The following PEAR1 variants were observed in gnomAD, a reference collection of about 807,000 sequenced individuals.
PEAR1 encodes multiple EGF-like domains protein 12.
In PEAR1, 113 loss-of-function variants were observed where a neutral mutation model predicts 131.2. That is an observed-to-expected ratio of 0.86 (90% CI 0.74 to 1.01). The LOEUF (loss-of-function observed/expected upper bound fraction) is 1.01. PEAR1 is among the 50% of genes least tolerant of loss of function. The pLI is 0.00. For missense variants in PEAR1, 1,408 were observed against 1,391.1 expected, an observed-to-expected ratio of 1.01 and a Z score of -0.19; for synonymous variants, 565 against 523.3, an observed-to-expected ratio of 1.08 and a Z score of -1.09.
At position 156,906,774 on chromosome 1, in the gene PEAR1, C is replaced by T. The variant is rs865828245; in HGVS notation, c.538C>T (p.Pro180Ser). ...CCCGAACTGCCTTCAGCCCTGTACC[C>T]CTGGCTACTATGGCCCTGCCTGCCA... ...QPPNCLQPCTPGYYGPACQFR... is the reference protein window; with the variant it reads ...QPPNCLQPCTSGYYGPACQFR... The change falls in exon 6 of 23, where the codon CCT becomes TCT. Residue 180 changes from proline to serine, a missense_variant. By Grantham distance (74) the Pro-to-Ser change is moderately conservative (BLOSUM62 -1). Transcript: ENST00000292357. 1 of 1,614,248 alleles carries T rather than the reference C, an allele frequency of 6.2e-7. No homozygotes were observed. Among genetic ancestry groups the T allele is most frequent in the Non-Finnish European group, 8.5e-7 (1 of 1,180,054 alleles).
chr1:156,904,671 C>G, intron 2 of PEAR1, 77 bp from the exon 3 acceptor site: 1 of 1,412,750 alleles, frequency 7.1e-7, no homozygotes, highest in Non-Finnish European at 9.7e-7. Context: ...GTGGCCAAGC[C>G]CTCATGGCCA....
At chr1:156,905,901 T>C (rs1482897288) in intron 4 of PEAR1, among the ~76,000 whole-genome samples, 1 of 152,086 alleles carries the variant, frequency 6.6e-6, no homozygotes, top group African/African-American at 2.4e-5. Context: ...TGTCTTCCTC[T>C]TCCTCCCACT....
At chr1:156,897,785 G>C (rs894956971) in intron 1 of PEAR1, among the ~76,000 whole-genome samples, 1 of 152,218 alleles carries the variant, frequency 6.6e-6, no homozygotes, top group African/African-American at 2.4e-5. Context: ...GGTGGCCTGA[G>C]CCATGGTGGC....
chr1:156,896,440 A>G (rs1325241544), intron 1 of PEAR1, among the ~76,000 whole-genome samples: 1 of 152,214 alleles, frequency 6.6e-6, no homozygotes, highest in African/African-American at 2.4e-5. Context: ...GAGACCCTCC[A>G]CTGTGCTGCC....
rs1248552251 is a variant in PEAR1 at position 156,908,591 on chromosome 1, G to T, written c.1116-64G>T. Reference sequence around the variant, plus strand: ...GCGAATCCCACTGACCACGCGGAGGGGTCGGGAAGCTGCCCTGCCCCTGCC... The same window carrying T: ...GCGAATCCCACTGACCACGCGGAGGTGTCGGGAAGCTGCCCTGCCCCTGCC... On this transcript the variant is annotated intron_variant, in intron 9 of 22. Transcript: ENST00000292357. The surrounding 1 kb of genome is among the most constrained non-coding windows in gnomAD (Gnocchi z 4.2). 1 of 1,424,968 alleles carries T rather than the reference G, an allele frequency of 7.0e-7. No individual in the cohort carries two copies. The highest frequency in any genetic ancestry group is 9.3e-7 in the Non-Finnish European group (1 of 1,074,878). The allele number at this position is 1,424,968 out of a possible 1,614,324, so 88.3% of individuals were successfully genotyped here. A position where few individuals can be genotyped will look rare whatever the true frequency, so the allele number is the denominator to read the frequency against.
In PEAR1 at chr1:156,908,325, G is replaced by A. The variant is rs756704651; in HGVS notation, c.1100G>A (p.Arg367Gln). 3.9e-6 allele frequency: 6 copies of A among 1,543,168 alleles called. No homozygotes were observed. Among genetic ancestry groups the A allele is most frequent in the Admixed American group, 1.9e-5 (1 of 52,560 alleles). ...TGCCAGGCCCCCTGCACCTGCGACCGGGAGCACAGCCTCAGGTGGGCCGCG... is the reference window on the plus strand; with the variant it reads ...TGCCAGGCCCCCTGCACCTGCGACCAGGAGCACAGCCTCAGGTGGGCCGCG... The part of the protein sequence containing the change: ...LSCQAPCTCD[R>Q]EHSLSCHPMN... Residue 367 changes from arginine to glutamine, a missense_variant, in exon 9 of 23, where the codon CGG (arginine) becomes CAG (glutamine). Physicochemically the swap from Arg to Gln is conservative, Grantham distance 43. Transcript: ENST00000292357. This position sits in a 1 kb window ranked among gnomAD's most constrained non-coding sequence, Gnocchi z 4.2.
intron 14 of PEAR1, 69 bp downstream of exon 14, chr1:156,910,449 C>A: frequency 1.3e-6 from 2 of 1,544,630 alleles, no homozygotes; most frequent in Admixed American, 1.9e-5. Context: ...TGCCAGAGCA[C>A]CCCTCCCCCC....
At chr1:156,911,388 T>G (rs1002725062) in intron 15 of PEAR1, among the ~76,000 whole-genome samples, 1 of 151,348 alleles carries the variant, frequency 6.6e-6, no homozygotes, top group African/African-American at 2.4e-5. Context: ...TAGTTAATTC[T>G]TTTGCCTCAG....
intron 3 of PEAR1, 195 bp from the exon 4 acceptor site, chr1:156,905,129 G>T: frequency 2.5e-6 from 3 of 1,195,554 alleles, no homozygotes; most frequent in Non-Finnish European, 3.6e-6. Context: ...TAATAGACAA[G>T]GTCTCGCTCT....
Position 156,908,585 on chromosome 1 carries a change from C to T in PEAR1, c.1116-70C>T, listed in dbSNP as rs930343045. On this transcript the variant is annotated intron_variant, in intron 9 of 22. Coordinates refer to ENST00000292357, the MANE Select transcript of PEAR1 (RefSeq NM_001080471.3). The surrounding 1 kb of genome is among the most constrained non-coding windows in gnomAD (Gnocchi z 4.2). ...CGATGTGCGAATCCCACTGACCACG[C>T]GGAGGGGTCGGGAAGCTGCCCTGCC... 4 of 1,401,016 alleles carry T rather than the reference C, an allele frequency of 2.9e-6. No homozygotes were observed. Among genetic ancestry groups the T allele is most frequent in the Non-Finnish European group, 1.9e-6 (2 of 1,056,542 alleles). The allele number at this position is 1,401,016 out of a possible 1,614,324, so 86.8% of individuals were successfully genotyped here.
rs1449568237 is a variant in PEAR1, at chr1:156,908,627, C to T, written c.1116-28C>T. 2.7e-6 allele frequency: 4 copies of T among 1,497,248 alleles called. No homozygotes were observed. The highest frequency in any genetic ancestry group is 2.8e-5 in the African/African-American group (2 of 72,262). The allele number at this position is 1,497,248 out of a possible 1,614,324, so 92.7% of individuals were successfully genotyped here. A position where few individuals can be genotyped will look rare whatever the true frequency, so the allele number is the denominator to read the frequency against. Reference sequence around the variant, plus strand: ...TGCCCTGCCCCTGCCCAGCTCAGACCGCGCCACGCCCCCGCCTCTGCCCCC... The same window carrying T: ...TGCCCTGCCCCTGCCCAGCTCAGACTGCGCCACGCCCCCGCCTCTGCCCCC... On this transcript the variant is annotated intron_variant, in intron 9 of 22. Coordinates refer to ENST00000292357, the MANE Select transcript of PEAR1 (RefSeq NM_001080471.3). This position sits in a 1 kb window ranked among gnomAD's most constrained non-coding sequence, Gnocchi z 4.2.
At chr1:156,903,770 G>T in intron 1 of PEAR1, 148 bp from the exon 2 acceptor site, 1 of 652,658 alleles carries the variant, frequency 1.5e-6, no homozygotes, top group Non-Finnish European at 2.7e-6. Context: ...GTGAGGTGTA[G>T]GGGAGCTGGA....
chr1:156,909,834 G>C lies in PEAR1; in HGVS notation c.1495G>C (p.Glu499Gln), dbSNP rs1212628053. ...CAATGCCAGCTGCCAGTGTGCCCATGAGGCAGTCTGCAGCCCCCAAACTGG... is the reference window on the plus strand; with the variant it reads ...CAATGCCAGCTGCCAGTGTGCCCATCAGGCAGTCTGCAGCCCCCAAACTGG... ...SCNASCQCAH[E>Q]AVCSPQTGAC... The change falls in exon 12 of 23, where the codon GAG (glutamate) becomes CAG (glutamine). Residue 499 changes from glutamate (E) to glutamine (Q), a missense_variant. By Grantham distance (29) the Glu-to-Gln change is conservative (BLOSUM62 2). Coordinates refer to ENST00000292357, the MANE Select transcript of PEAR1 (RefSeq NM_001080471.3). 5.0e-6 allele frequency: 8 copies of C among 1,614,020 alleles called. No homozygotes were observed. Among genetic ancestry groups the C allele is most frequent in the Non-Finnish European group, 4.2e-6 (5 of 1,179,910 alleles).
chr1:156,908,537 C>G lies in PEAR1; in HGVS notation c.1116-118C>G. The stretch of plus-strand genomic sequence containing the variant: ...CAGTTTTCAGAATAGCGCGGAGCCT[C>G]CCTAGTGACCCCCTTACCCCAGCGA... On this transcript the variant is annotated intron_variant, in intron 9 of 22. Transcript: ENST00000292357. The surrounding 1 kb of genome is among the most constrained non-coding windows in gnomAD (Gnocchi z 4.2). The G allele has an allele frequency of 8.2e-7, 1 of 1,222,268 alleles. No individual in the cohort carries two copies. Among genetic ancestry groups the G allele is most frequent in the Admixed American group, 2.8e-5 (1 of 35,596 alleles). 75.7% of individuals were successfully genotyped at this position (1,222,268 alleles called of 1,614,324 possible). A position where few individuals can be genotyped will look rare whatever the true frequency, so the allele number is the denominator to read the frequency against.
chr1:156,908,224 A>G lies in PEAR1; in HGVS notation c.999A>G (p.Ala333=), dbSNP rs144723686. ...CCCGTTGCTTCCCGGCCAACGGCGC[A>G]TGTCTGTGCGAACACGGCTTCACTG... ...PDARCFPANG[A]CLCEHGFTGD... Residue 333 remains alanine, a synonymous_variant, in exon 9 of 23, where the codon GCA becomes GCG. Transcript: ENST00000292357. The surrounding 1 kb of genome is among the most constrained non-coding windows in gnomAD (Gnocchi z 4.2). 9.2e-5 allele frequency: 148 copies of G among 1,602,544 alleles called. No individual in the cohort carries two copies. In the African/African-American group the frequency reaches 1.8e-3, roughly 20 times the overall value.
chr1:156,914,567 G>A, intron 22 of PEAR1, 80 bp from the exon 23 acceptor site: 2 of 1,405,200 alleles, frequency 1.4e-6, no homozygotes, highest in South Asian at 1.4e-5. Context: ...CTGAAGAGGA[G>A]AGGAGTGCAG....
intron 13 of PEAR1, 53 bp downstream of exon 13, chr1:156,910,161 G>A (rs1231532198): frequency 1.9e-6 from 3 of 1,613,726 alleles, no homozygotes; most frequent in South Asian, 2.2e-5. Flanking sequence ...GCATCCATAG[G>A]AAATGTGTCC....
rs1558127991 is a variant in PEAR1 at position 156,904,036 on chromosome 1, GC to G, written c.101+13del. On this transcript the variant is annotated intron_variant, in intron 2 of 22. Transcript: ENST00000292357. The stretch of plus-strand genomic sequence containing the variant: ...TGCAGCTTCTGGGAAAGGTGAGAGG[GC>G]CCCTGCTGCACCTTGAGGGCACCAA... 2 of 1,609,484 alleles carry G rather than the reference GC, an allele frequency of 1.2e-6. No homozygotes were observed. The highest frequency in any genetic ancestry group is 3.3e-5 in the Admixed American group (2 of 59,994).
chr1:156,911,682 A>C (rs1448148781), intron 15 of PEAR1, among the ~76,000 whole-genome samples: 2 of 152,094 alleles, frequency 1.3e-5, no homozygotes, highest in Non-Finnish European at 2.9e-5. Context: ...TTCCCCCACA[A>C]AAATATATTA....
Sources: gnomAD v4.1 joint callset for allele counts (sites outside exome capture counted in the v4.1 genomes callset) on GRCh38, gnomAD v4.1.1 for gene constraint, Gnocchi (gnomAD v3.1) non-coding constraint, MANE v1.5 for transcripts, NCBI Gene and HGNC (gene_info 2026-07-23, HGNC 2026-07-21) for gene names.